The following KRT78 variants were observed in gnomAD, a reference collection of about 807,000 sequenced individuals.
KRT78 encodes the protein keratin, type II cytoskeletal 78.
Under a neutral mutation model 51.4 loss-of-function variants are expected in KRT78, and 55 were observed. That is an observed-to-expected ratio of 1.07 (90% CI 0.86 to 1.34). The LOEUF (loss-of-function observed/expected upper bound fraction) is 1.34, where lower values mean the gene tolerates loss of function less well. Among genes scored for constraint, KRT78 ranks in the 40% most tolerant of loss-of-function variants. The pLI is 0.00. For synonymous variants in KRT78, 291 were observed against 264.3 expected (o/e 1.10, Z -0.98); for missense variants, 652 against 649.4 (o/e 1.00, Z -0.04).
In KRT78 at chr12:52,839,572, G is replaced by A. The variant is rs920817207; in HGVS notation, c.1269-85C>T. On this transcript the variant is annotated intron_variant, in intron 7 of 8. Transcript: ENST00000304620. ...ACGAGCTTTTAAGCCCCTCAAAGCA[G>A]GTCACCCACCCTCTCAGCAGATAAA... 21 of 1,406,522 alleles carry A rather than the reference G, an allele frequency of 1.5e-5. No homozygotes were observed. In the African/African-American group the frequency reaches 2.3e-4, roughly 15 times the overall value. The allele number at this position is 1,406,522 out of a possible 1,614,324, so 87.1% of individuals were successfully genotyped here. A position where few individuals can be genotyped will look rare whatever the true frequency, so the allele number is the denominator to read the frequency against.
chr12:52,846,345 C>T (rs1348590833), intron 3 of KRT78, 53 bp from the exon 4 acceptor site: 1 of 1,126,832 alleles, frequency 8.9e-7, no homozygotes, highest in Non-Finnish European at 1.4e-6. Context: ...TTTGGGGTCC[C>T]TACTCTGGCT....
chr12:52,840,123 C>T (rs1362832698), intron 6 of KRT78, 139 bp from the exon 7 acceptor site: 2 of 625,840 alleles, frequency 3.2e-6, no homozygotes, highest in Non-Finnish European at 2.8e-6. Flanking sequence ...CCGTCTGTAC[C>T]AACACCACCC....
chr12:52,839,541 A>G, intron 7 of KRT78, 54 bp from the exon 8 acceptor site: 1 of 1,495,248 alleles, frequency 6.7e-7, no homozygotes, highest in South Asian at 1.3e-5. Context: ...CAAAGAATGC[A>G]TCCCCACGAG....
intron 6 of KRT78, among the ~76,000 whole-genome samples, chr12:52,841,447 A>G (rs971880336): frequency 3.3e-5 from 5 of 151,588 alleles, no homozygotes; most frequent in African/African-American, 1.2e-4. Flanking sequence ...AGATCGCGCC[A>G]CTGCATTCCA....
chr12:52,848,888 G>T lies in KRT78; in HGVS notation c.43C>A (p.Arg15Ser). ...PCRAQRGFSA[R>S]SACSARSRGR... ...CTTGAGCGAGCAGAACAGGCTGAGC[G>T]AGCGCTGAAGCCCCTCTGGGCCCGG... is the stretch of plus-strand genomic sequence containing the variant. The change falls in exon 1 of 9, where the codon CGC becomes AGC. Residue 15 changes from arginine (R) to serine (S), a missense_variant. By Grantham distance (110) the Arg-to-Ser change is moderately radical (BLOSUM62 -1). Coordinates refer to ENST00000304620, the MANE Select transcript of KRT78 (RefSeq NM_173352.4). The T allele has an allele frequency of 6.3e-7, 1 of 1,596,538 alleles. No individual in the cohort carries two copies. The highest frequency in any genetic ancestry group is 1.1e-5 in the South Asian group (1 of 88,506).
Position 52,838,850 on chromosome 12 carries a change from A to G in KRT78, c.*263T>C. The G allele has an allele frequency of 1.9e-6, 1 of 522,510 alleles. No individual in the cohort carries two copies. The highest frequency in any genetic ancestry group is 3.4e-6 in the Non-Finnish European group (1 of 292,208). 32.4% of individuals were successfully genotyped at this position (522,510 alleles called of 1,614,324 possible). On this transcript the variant is annotated 3_prime_UTR_variant, in exon 9 of 9. Transcript: ENST00000304620. ...CTGGGATGTGGAGTGAGATACCAAT[A>G]GAACACGTCTGGACACAGATATGCC...
In KRT78 at chr12:52,839,697, T is replaced by C. The variant is rs927386300; in HGVS notation, c.1268+67A>G. 73 of 1,478,894 alleles carry C rather than the reference T, an allele frequency of 4.9e-5. 1 individual carries two copies. In the South Asian group the frequency reaches 5.7e-4, roughly 12 times the overall value. 91.6% of individuals were successfully genotyped at this position (1,478,894 alleles called of 1,614,324 possible). ...CTCAGAATCCTCTTTAGCAAGCAGC[T>C]CACTGTGTTGGCATCCCATCCTCCT... On this transcript the variant is annotated intron_variant, in intron 7 of 8. Coordinates refer to ENST00000304620, the MANE Select transcript of KRT78 (RefSeq NM_173352.4).
intron 6 of KRT78, among the ~76,000 whole-genome samples, chr12:52,842,499 C>G (rs543768475): frequency 6.6e-6 from 1 of 152,134 alleles, no homozygotes; most frequent in Non-Finnish European, 1.5e-5. Flanking sequence ...CCCACCCTGC[C>G]GCCCACCTCA....
chr12:52,844,534 G>C, intron 5 of KRT78, 25 bp downstream of exon 5: 1 of 1,601,104 alleles, frequency 6.2e-7, no homozygotes, highest in Non-Finnish European at 8.5e-7. Context: ...TTTCCAGCAT[G>C]GTGCTGCCCC....
chr12:52,848,015 G>C lies in KRT78; in HGVS notation c.491C>G (p.Ala164Gly). ...SQQGLEPVFE[A>G]CLDQLRKQLE... ...CTGCTTCCTGAGCTGATCCAGGCAG[G>C]CCTCAAAGACAGGCTCCAGGCCCTG... The change falls in exon 2 of 9, where the codon GCC (alanine) becomes GGC (glycine). Residue 164 changes from alanine to glycine, a missense_variant. Transcript: ENST00000304620. 1 of 1,614,128 alleles carries C rather than the reference G, an allele frequency of 6.2e-7. No individual in the cohort carries two copies. The highest frequency in any genetic ancestry group is 8.5e-7 in the Non-Finnish European group (1 of 1,179,982).
At position 52,846,227 on chromosome 12, in the gene KRT78, G is replaced by A. The variant is rs1388164029; in HGVS notation, c.726C>T (p.Tyr242=). Reference sequence around the variant, plus strand: ...CATTCAGATGCTTCAAGAAGTAGAGGTACTCTCTCAGAGCCTCCAGCTTGC... The same window carrying A: ...CATTCAGATGCTTCAAGAAGTAGAGATACTCTCTCAGAGCCTCCAGCTTGC... ...LEGKLEALRE[Y]LYFLKHLNEE... is the part of the protein sequence containing the mutation. The change falls in exon 4 of 9, where the codon TAC becomes TAT. Residue 242 remains tyrosine, a synonymous_variant. Coordinates refer to ENST00000304620, the MANE Select transcript of KRT78 (RefSeq NM_173352.4). 2 of 1,613,734 alleles carry A rather than the reference G, an allele frequency of 1.2e-6. No individual in the cohort carries two copies. Among genetic ancestry groups the A allele is most frequent in the Non-Finnish European group, 1.7e-6 (2 of 1,179,746 alleles).
chr12:52,839,024 G>A lies in KRT78; in HGVS notation c.*89C>T. On this transcript the variant is annotated 3_prime_UTR_variant, in exon 9 of 9. Transcript: ENST00000304620. Reference sequence around the variant, plus strand: ...TCCGCTGTGGGCTGGCTTGGGCTGTGGGCAGCGGACACGGAGTTGGCCTTG... The same window carrying A: ...TCCGCTGTGGGCTGGCTTGGGCTGTAGGCAGCGGACACGGAGTTGGCCTTG... The A allele has an allele frequency of 6.8e-7, 1 of 1,471,524 alleles. No homozygotes were observed. Among genetic ancestry groups the A allele is most frequent in the Non-Finnish European group, 9.2e-7 (1 of 1,087,984 alleles). 91.2% of individuals were successfully genotyped at this position (1,471,524 alleles called of 1,614,324 possible).
chr12:52,842,461 T>A (rs1374175945), intron 6 of KRT78, among the ~76,000 whole-genome samples: 1 of 152,184 alleles, frequency 6.6e-6, no homozygotes, highest in Non-Finnish European at 1.5e-5. Context: ...CTGACCCTTG[T>A]AATGCATCTA....
rs775196562 is a variant in KRT78, at chr12:52,848,122, C to A, written c.385-1G>T. On this transcript the variant is annotated splice_acceptor_variant, in intron 1 of 8. Transcript: ENST00000304620. LOFTEE classifies it high-confidence loss of function. ...TGTTCTGCTGCTCCAGGAACCGCAC[C>A]TGCAGCAAAAGCAGAGGATCCCTGA... 6.2e-7 allele frequency: 1 copy of A among 1,613,956 alleles called. No homozygotes were observed. The highest frequency in any genetic ancestry group is 8.5e-7 in the Non-Finnish European group (1 of 1,179,910).
At chr12:52,846,391 C>A in intron 3 of KRT78, 99 bp from the exon 4 acceptor site, 1 of 784,586 alleles carries the variant, frequency 1.3e-6, no homozygotes, top group Non-Finnish European at 2.3e-6. Context: ...AACACCCATC[C>A]ACCATGCCTC....
Position 52,846,776 on chromosome 12 carries a change from C to A in KRT78, c.648G>T (p.Val216=). 2 of 1,613,746 alleles carry A rather than the reference C, an allele frequency of 1.2e-6. No individual in the cohort carries two copies. The highest frequency in any genetic ancestry group is 1.7e-6 in the Non-Finnish European group (2 of 1,179,874). The change falls in exon 3 of 9, where the codon GTG becomes GTT. Residue 216 remains valine (V), a synonymous_variant. Coordinates refer to ENST00000304620, the MANE Select transcript of KRT78 (RefSeq NM_173352.4). ...HRRATLENDF[V]VLKKDVDGVF... is the part of the protein sequence containing the mutation. The stretch of plus-strand genomic sequence containing the variant: ...CCCCCACCCTCACCTTCTTGAGGAC[C>A]ACAAAGTCGTTCTCAAGTGTGGCAC...
intron 7 of KRT78, 65 bp from the exon 8 acceptor site, chr12:52,839,552 C>T (rs973101047): frequency 1.5e-5 from 22 of 1,472,250 alleles, no homozygotes; most frequent in African/African-American, 2.8e-5. Flanking sequence ...TCCCCACGAG[C>T]TTTTAAGCCC....
chr12:52,838,893 A>G lies in KRT78; in HGVS notation c.*220T>C. On this transcript the variant is annotated 3_prime_UTR_variant, in exon 9 of 9. Coordinates refer to ENST00000304620, the MANE Select transcript of KRT78 (RefSeq NM_173352.4). The stretch of plus-strand genomic sequence containing the variant: ...GATATGCCACAATTGCCTTCCGAGG[A>G]GAGGAAGCTGGGGAGCCACACAGCT... 1.7e-6 allele frequency: 1 copy of G among 597,076 alleles called. No individual in the cohort carries two copies. The highest frequency in any genetic ancestry group is 2.8e-5 in the East Asian group (1 of 35,520). 37.0% of individuals were successfully genotyped at this position (597,076 alleles called of 1,614,324 possible).
At position 52,846,281 on chromosome 12, in the gene KRT78, C is replaced by G; in HGVS notation, c.672G>C (p.Gly224=). The change falls in exon 4 of 9, where the codon GGG becomes GGC. Residue 224 remains glycine (G), a synonymous_variant. Transcript: ENST00000304620. ...DFVVLKKDVD[G]VFLSKMELEG... ...CCAACTCCATCTTGCTCAGGAAAACCCCATCCACATCCTGGAGACAAGGGG... is the reference window on the plus strand; with the variant it reads ...CCAACTCCATCTTGCTCAGGAAAACGCCATCCACATCCTGGAGACAAGGGG... 1 of 1,611,226 alleles carries G rather than the reference C, an allele frequency of 6.2e-7. No individual in the cohort carries two copies. Among genetic ancestry groups the G allele is most frequent in the Non-Finnish European group, 8.5e-7 (1 of 1,177,508 alleles).
Sources: allele counts gnomAD v4.1 joint callset (sites outside exome capture counted in the v4.1 genomes callset), GRCh38; gene constraint gnomAD v4.1.1; transcripts MANE v1.5; gene names NCBI Gene and HGNC (gene_info 2026-07-23, HGNC 2026-07-21).